KCNMA1: variants seen among roughly 807,000 people sequenced by gnomAD.
The protein encoded by KCNMA1 is potassium calcium-activated channel subfamily M alpha 1.
KCNMA1 carries 29 observed loss-of-function variants against 140.0 expected under a neutral mutation model. The ratio of observed to expected loss-of-function variants is 0.21; its 90% confidence interval spans 0.15 to 0.28. The LOEUF (loss-of-function observed/expected upper bound fraction) is 0.28. KCNMA1 is among the 10% of genes least tolerant of loss of function. KCNMA1 has a pLI of 1.00. For synonymous variants in KCNMA1, 612 were observed against 611.9 expected (o/e 1.00, Z 0.00); for missense variants, 880 against 1,602.2 (o/e 0.55, Z 7.70).
At position 77,198,122 on chromosome 10, in the gene KCNMA1, T is replaced by C. The variant is rs184252767; in HGVS notation, c.603-13206A>G. On this transcript the variant is annotated intron_variant, in intron 3 of 27. Transcript: ENST00000286628. ...ACATCAACCATAATTGTTAAGATGT[T>C]GTGAAAATTCAGGAGAAACAAGGCA... Among the ~76,000 whole-genome samples, 4 of 152,312 alleles carry C rather than the reference T, an allele frequency of 2.6e-5. No individual in the cohort carries two copies. The East Asian group carries it at 7.7e-4, about 29-fold the overall frequency.
chr10:77,196,881 AC>A (rs1250445423), intron 3 of KCNMA1, among the ~76,000 whole-genome samples: 2 of 152,226 alleles, frequency 1.3e-5, no homozygotes, highest in African/African-American at 4.8e-5. Flanking sequence ...ATTTGAAATG[AC>A]AAAAAAAGAA....
intron 9 of KCNMA1, among the ~76,000 whole-genome samples, chr10:77,096,575 A>G (rs1175409217): frequency 6.6e-6 from 1 of 152,198 alleles, no homozygotes; most frequent in Non-Finnish European, 1.5e-5. Flanking sequence ...TAGGAAGACA[A>G]TGTAAAATGC....
At chr10:77,325,263 CCA>C (rs1460505613) in intron 2 of KCNMA1, among the ~76,000 whole-genome samples, 1 of 152,190 alleles carries the variant, frequency 6.6e-6, no homozygotes, top group Non-Finnish European at 1.5e-5. Flanking sequence ...TCCTTCCCTG[CCA>C]CAGTGAGTCC....
At chr10:77,200,013 C>T (rs1453752471) in intron 3 of KCNMA1, among the ~76,000 whole-genome samples, 1 of 152,056 alleles carries the variant, frequency 6.6e-6, no homozygotes, top group South Asian at 2.1e-4. Context: ...TGCAGTGGTG[C>T]GATCTTGGCT....
chr10:77,244,680 C>A (rs1187049250), intron 3 of KCNMA1, among the ~76,000 whole-genome samples: 5 of 152,170 alleles, frequency 3.3e-5, no homozygotes, highest in Non-Finnish European at 7.3e-5. Context: ...GTCTTCTCTA[C>A]CAGGCTTTCA....
chr10:77,592,167 A>C (rs892899451), intron 1 of KCNMA1, among the ~76,000 whole-genome samples: 5 of 151,828 alleles, frequency 3.3e-5, no homozygotes, highest in East Asian at 3.9e-4. Context: ...ACAAAAAAAA[A>C]CCCATATGCT....
chr10:77,090,674 A>T, intron 9 of KCNMA1, 164 bp from the exon 10 acceptor site: 2 of 650,358 alleles, frequency 3.1e-6, no homozygotes, highest in Non-Finnish European at 5.6e-6. Context: ...CAGTGAGGCA[A>T]AGCAGCGGTG....
intron 20 of KCNMA1, among the ~76,000 whole-genome samples, chr10:76,956,853 T>C (rs1428395419): frequency 6.6e-6 from 1 of 152,112 alleles, no homozygotes; most frequent in Non-Finnish European, 1.5e-5. Context: ...CCGGGCGTGG[T>C]GGCTCAGGCC....
chr10:76,977,516 C>T (rs1171905054), intron 19 of KCNMA1: 2 of 702,578 alleles, frequency 2.8e-6, no homozygotes, highest in Admixed American at 2.0e-5. Flanking sequence ...ATATGGGTTG[C>T]AAAGACTAAG....
chr10:77,300,461 A>G (rs2076268182), intron 2 of KCNMA1, among the ~76,000 whole-genome samples: 2 of 152,146 alleles, frequency 1.3e-5, no homozygotes, highest in South Asian at 4.2e-4. Flanking sequence ...CATATAAGGC[A>G]CTCTATCATT....
At chr10:77,216,745 A>G (rs1205430647) in intron 3 of KCNMA1, among the ~76,000 whole-genome samples, 1 of 152,192 alleles carries the variant, frequency 6.6e-6, no homozygotes, top group Non-Finnish European at 1.5e-5. Flanking sequence ...CATAAGAAAA[A>G]ATTTTATCAA....
chr10:77,107,636 C>T (rs920092110), intron 9 of KCNMA1, among the ~76,000 whole-genome samples: 3 of 152,170 alleles, frequency 2.0e-5, no homozygotes, highest in Non-Finnish European at 2.9e-5. Flanking sequence ...GATCTGAGCA[C>T]ACACTAAAAT....
rs564711399 is a variant in KCNMA1, at chr10:77,110,360, A to G, written c.961-17T>C. 9 of 1,610,546 alleles carry G rather than the reference A, an allele frequency of 5.6e-6. No individual in the cohort carries two copies. The highest frequency in any genetic ancestry group is 1.7e-4 in the Middle Eastern group (1 of 6,060). On this transcript the variant is annotated splice_polypyrimidine_tract_variant and intron_variant, in intron 7 of 27. Transcript: ENST00000286628. The stretch of plus-strand genomic sequence containing the variant: ...ATTCTCCACCTAAAGCAAATGGGAC[A>G]GGGGAGAAAAAAGAAAAACATGCTA...
At chr10:77,441,836 C>CT (rs887258499) in intron 1 of KCNMA1, among the ~76,000 whole-genome samples, 83 of 148,624 alleles carry the variant, frequency 5.6e-4, no homozygotes, top group African/African-American at 1.3e-3. Flanking sequence ...AGCCTGAGAT[C>CT]TTTTTTTTTT....
chr10:77,538,234 CACAA>C (rs369404872), intron 1 of KCNMA1, among the ~76,000 whole-genome samples: 2,001 of 152,136 alleles, frequency 0.013, 50 homozygotes, highest in African/African-American at 0.046. Context: ...TCTACACACT[CACAA>C]ACACACATAT....
At chr10:77,472,036 C>G (rs922421787) in intron 1 of KCNMA1, among the ~76,000 whole-genome samples, 1 of 148,620 alleles carries the variant, frequency 6.7e-6, no homozygotes, top group Non-Finnish European at 1.5e-5. Flanking sequence ...ACACATGACA[C>G]ATATTCACAT....
At chr10:77,406,189 A>G (rs1420391930) in intron 1 of KCNMA1, among the ~76,000 whole-genome samples, 1 of 152,078 alleles carries the variant, frequency 6.6e-6, no homozygotes, top group Non-Finnish European at 1.5e-5. Context: ...CTGGTCCCTG[A>G]GCCTCTGCCC....
intron 2 of KCNMA1, among the ~76,000 whole-genome samples, chr10:77,337,541 G>A (rs1233751664): frequency 6.6e-6 from 1 of 152,186 alleles, no homozygotes; most frequent in African/African-American, 2.4e-5. Context: ...ACTCGCTTGA[G>A]CCCGAGAGGC....
At chr10:77,013,851 GC>G (rs1357791813) in intron 17 of KCNMA1, among the ~76,000 whole-genome samples, 1 of 152,152 alleles carries the variant, frequency 6.6e-6, no homozygotes, top group African/African-American at 2.4e-5. Flanking sequence ...AATTCACATA[GC>G]CTGGCACCAG....
Sources: allele counts gnomAD v4.1 joint callset (sites outside exome capture counted in the v4.1 genomes callset), GRCh38; gene constraint gnomAD v4.1.1; transcripts MANE v1.5; gene names NCBI Gene and HGNC (gene_info 2026-07-23, HGNC 2026-07-21).